Variants in VOPP1 observed in about 807,000 individuals in gnomAD.
VOPP1 encodes the protein VOPP1 WW domain binding protein.
In VOPP1, 8 loss-of-function variants were observed where a neutral mutation model predicts 23.5. That is an observed-to-expected ratio of 0.34 (90% CI 0.20 to 0.61). VOPP1 has a LOEUF of 0.61. Among genes scored for constraint, VOPP1 ranks in the 20% least tolerant of loss-of-function variants. The pLI, the probability that VOPP1 is intolerant of heterozygous loss-of-function variation, is 0.78. For missense variants in VOPP1, 174 were observed against 238.1 expected, an observed-to-expected ratio of 0.73 and a Z score of 1.77; for synonymous variants, 83 against 97.3, an observed-to-expected ratio of 0.85 and a Z score of 0.86.
rs545082826 is a variant in VOPP1 at position 55,537,490 on chromosome 7, C to T, written c.55-16360G>A. 1.1e-4 allele frequency: 171 copies of T among 1,536,136 alleles called. No homozygotes were observed. In the South Asian group the frequency reaches 1.8e-3, roughly 17 times the overall value. The stretch of plus-strand genomic sequence containing the variant: ...CTTCACAGCAAACTGAACCACCAGC[C>T]GAGCAAGCACCTGAGCATGTGAGCC... On this transcript the variant is annotated intron_variant, in intron 1 of 4. Coordinates refer to ENST00000285279, the MANE Select transcript of VOPP1 (RefSeq NM_030796.5).
chr7:55,454,532 T>G (rs1791319733), intron 4 of VOPP1, among the ~76,000 whole-genome samples: 1 of 152,106 alleles, frequency 6.6e-6, no homozygotes, highest in African/African-American at 2.4e-5. Flanking sequence ...CTGATGAACA[T>G]CAATGCAAAA....
At chr7:55,467,799 G>A (rs562902228), downstream of VOPP1, among the ~76,000 whole-genome samples, 198 of 152,274 alleles carry the variant, frequency 1.3e-3, 2 homozygotes, top group Non-Finnish European at 1.9e-3. Flanking sequence ...CTTACTTTCC[G>A]TTCACATGAC....
intron 1 of VOPP1, among the ~76,000 whole-genome samples, chr7:55,557,977 T>TAAGTACTCTGTGGGGCATTGC (rs1278600841): frequency 1.3e-5 from 2 of 152,180 alleles, no homozygotes; most frequent in African/African-American, 4.8e-5. Context: ...TGCGGTTTAG[T>TAAGTACTCTGTGGGGCATTGC]AAGTACTCTG....
intron 2 of VOPP1, among the ~76,000 whole-genome samples, chr7:55,511,167 G>C (rs1003824110): frequency 6.6e-6 from 1 of 152,180 alleles, no homozygotes; most frequent in African/African-American, 2.4e-5. Context: ...GAAACAATAT[G>C]AACTCAAAGC....
intron 1 of VOPP1, among the ~76,000 whole-genome samples, chr7:55,540,206 T>G (rs962104542): frequency 1.3e-5 from 2 of 151,962 alleles, no homozygotes; most frequent in African/African-American, 4.8e-5. Context: ...GAGACCATCC[T>G]GGCCAACACA....
intron 1 of VOPP1, chr7:55,571,990 C>G: frequency 2.6e-6 from 1 of 380,328 alleles, no homozygotes; most frequent in Non-Finnish European, 4.8e-6. Context: ...TCACCCCGAG[C>G]TAACGGAGGC....
intron 1 of VOPP1, chr7:55,537,650 C>T (rs903385854): frequency 2.3e-5 from 35 of 1,515,064 alleles, no homozygotes; most frequent in Non-Finnish European, 2.9e-5. Context: ...CTCTGGCGCC[C>T]GCAGACCCTG....
downstream of VOPP1, among the ~76,000 whole-genome samples, chr7:55,466,500 G>A (rs1248666366): frequency 2.0e-5 from 3 of 152,150 alleles, no homozygotes; most frequent in East Asian, 1.9e-4. Flanking sequence ...GCAGAGGCTC[G>A]GGGACTGAGG....
At chr7:55,511,596 C>T (rs1795074857) in intron 2 of VOPP1, among the ~76,000 whole-genome samples, 1 of 152,176 alleles carries the variant, frequency 6.6e-6, no homozygotes, top group African/African-American at 2.4e-5. Flanking sequence ...GCCTCCCATT[C>T]CATTCAAAGT....
intron 4 of VOPP1, among the ~76,000 whole-genome samples, chr7:55,439,788 G>A (rs1790920138): frequency 6.6e-6 from 1 of 152,232 alleles, no homozygotes; most frequent in Non-Finnish European, 1.5e-5. Context: ...GGATGGAGGA[G>A]GCGGAGGTGC....
intron 1 of VOPP1, among the ~76,000 whole-genome samples, chr7:55,524,624 C>G (rs560990824): frequency 8.5e-5 from 13 of 152,166 alleles, no homozygotes; most frequent in Non-Finnish European, 1.6e-4. Flanking sequence ...TGAAAAACGC[C>G]AAAATGAGGA....
At chr7:55,547,657 T>C (rs535889254) in intron 1 of VOPP1, among the ~76,000 whole-genome samples, 206 of 152,266 alleles carry the variant, frequency 1.4e-3, no homozygotes, top group African/African-American at 4.4e-3. Context: ...AATAGACATG[T>C]TTTGTTTGGC....
At chr7:55,454,785 TG>T (rs1791325616) in intron 4 of VOPP1, among the ~76,000 whole-genome samples, 1 of 152,160 alleles carries the variant, frequency 6.6e-6, no homozygotes, top group Non-Finnish European at 1.5e-5. Flanking sequence ...AACTAGGTAT[TG>T]ATGGAACATA....
At chr7:55,512,150 G>T (rs1172644932) in intron 2 of VOPP1, among the ~76,000 whole-genome samples, 1 of 152,208 alleles carries the variant, frequency 6.6e-6, no homozygotes, top group African/African-American at 2.4e-5. Flanking sequence ...AGCTCAGCTG[G>T]GAGCAGTGGC....
At chr7:55,478,153 C>T (rs1792415612) in intron 4 of VOPP1, among the ~76,000 whole-genome samples, 1 of 152,202 alleles carries the variant, frequency 6.6e-6, no homozygotes. Context: ...GGACAGAAGA[C>T]CAGCACGGTC....
intron 2 of VOPP1, among the ~76,000 whole-genome samples, chr7:55,507,255 G>A (rs1236759866): frequency 6.6e-6 from 1 of 152,090 alleles, no homozygotes; most frequent in East Asian, 1.9e-4. Context: ...CTGCTGGCTG[G>A]GACACACTCC....
At chr7:55,555,821 G>A (rs1047369883) in intron 1 of VOPP1, among the ~76,000 whole-genome samples, 2 of 152,056 alleles carry the variant, frequency 1.3e-5, no homozygotes, top group African/African-American at 2.4e-5. Context: ...AAAACCTTTC[G>A]GGGACTGCAG....
rs1003022440 is a variant in VOPP1 at position 55,520,975 on chromosome 7, C to T, written c.113+97G>A. On this transcript the variant is annotated intron_variant, in intron 2 of 4. Coordinates refer to ENST00000285279, the MANE Select transcript of VOPP1 (RefSeq NM_030796.5). ...CACCGCAGCAGAGGCTGGGCCACGC[C>T]GGGCTTTCCCCATCCCACACCCAGA... 70 of 1,340,488 alleles carry T rather than the reference C, an allele frequency of 5.2e-5. 1 individual carries two copies. In the Admixed American group the frequency reaches 1.3e-3, roughly 25 times the overall value. The allele number at this position is 1,340,488 out of a possible 1,614,324, so 83.0% of individuals were successfully genotyped here. A position where few individuals can be genotyped will look rare whatever the true frequency, so the allele number is the denominator to read the frequency against.
chr7:55,468,298 AG>A (rs1453063670), downstream of VOPP1, among the ~76,000 whole-genome samples: 5 of 151,644 alleles, frequency 3.3e-5, no homozygotes, highest in Admixed American at 3.3e-4. Flanking sequence ...AGAAAAAAAA[AG>A]AAAGAAAGAA....
Sources: gnomAD v4.1 joint callset for allele counts (sites outside exome capture counted in the v4.1 genomes callset) on GRCh38, gnomAD v4.1.1 for gene constraint, MANE v1.5 for transcripts, NCBI Gene and HGNC (gene_info 2026-07-23, HGNC 2026-07-21) for gene names.